NAALADL2: variants seen among roughly 807,000 people sequenced by gnomAD.
The protein encoded by NAALADL2 is inactive N-acetylated-alpha-linked acidic dipeptidase-like protein 2.
NAALADL2 carries 76 observed loss-of-function variants against 87.2 expected under a neutral mutation model. That is an observed-to-expected ratio of 0.87 (90% CI 0.72 to 1.05). The LOEUF is 1.05. NAALADL2 is among the 50% of genes least tolerant of loss of function. The probability of loss-of-function intolerance (pLI) is 0.00; values close to 1 mark genes in which losing one functional copy is unlikely to be tolerated. For missense variants in NAALADL2, 1,089 were observed against 945.8 expected, an observed-to-expected ratio of 1.15 and a Z score of -1.99; for synonymous variants, 354 against 331.0, an observed-to-expected ratio of 1.07 and a Z score of -0.75.
At chr3:174,842,446 T>C (rs16864965) in intron 3 of NAALADL2, among the ~76,000 whole-genome samples, 2,904 of 152,282 alleles carry the variant, frequency 0.019, 103 homozygotes, top group African/African-American at 0.066. Flanking sequence ...ACTTTTTGTG[T>C]CTGAAAAGTA....
chr3:174,932,628 G>A (rs540559640), intron 1 of NAALADL2, among the ~76,000 whole-genome samples: 1 of 152,180 alleles, frequency 6.6e-6, no homozygotes, highest in Admixed American at 6.5e-5. Context: ...GCTGGACCCT[G>A]GAGTGTCTTA....
chr3:174,581,472 TA>T (rs957807457), intron 2 of NAALADL2, among the ~76,000 whole-genome samples: 3 of 151,676 alleles, frequency 2.0e-5, no homozygotes, highest in African/African-American at 7.3e-5. Context: ...TGCCATTTTC[TA>T]AAAAAAAGTG....
intron 2 of NAALADL2, among the ~76,000 whole-genome samples, chr3:175,131,864 C>CG (rs1553783841): frequency 3.9e-5 from 2 of 51,854 alleles, no homozygotes; most frequent in South Asian, 6.7e-4. Context: ...GCTGGCCGGG[C>CG]GGGGTCTGAC....
intron 1 of NAALADL2, among the ~76,000 whole-genome samples, chr3:175,068,312 A>C (rs1714931963): frequency 6.6e-6 from 1 of 152,132 alleles, no homozygotes; most frequent in Non-Finnish European, 1.5e-5. Context: ...ACAGGAATGG[A>C]TGATTTTTAA....
chr3:175,125,015 A>G (rs1383923040), intron 2 of NAALADL2, among the ~76,000 whole-genome samples: 1 of 151,956 alleles, frequency 6.6e-6, no homozygotes, highest in Non-Finnish European at 1.5e-5. Context: ...AGGGAGAAGT[A>G]GATCGTATAG....
At chr3:175,147,997 G>T (rs986584754) in intron 2 of NAALADL2, among the ~76,000 whole-genome samples, 7 of 151,388 alleles carry the variant, frequency 4.6e-5, no homozygotes, top group Non-Finnish European at 1.5e-5. Context: ...TTGAACCCAG[G>T]AGGCAGAAGT....
At chr3:175,334,460 A>G (rs1321145168) in intron 5 of NAALADL2, among the ~76,000 whole-genome samples, 2 of 152,046 alleles carry the variant, frequency 1.3e-5, no homozygotes, top group Non-Finnish European at 2.9e-5. Context: ...TTCCCCCTCA[A>G]TCGACCACCT....
At chr3:175,034,289 A>G (rs1201994071) in intron 1 of NAALADL2, among the ~76,000 whole-genome samples, 1 of 152,142 alleles carries the variant, frequency 6.6e-6, no homozygotes, top group Non-Finnish European at 1.5e-5. Context: ...TGTACAGCAC[A>G]TGTGCATTGT....
At chr3:175,133,866 T>G (rs941524932) in intron 2 of NAALADL2, among the ~76,000 whole-genome samples, 1 of 152,206 alleles carries the variant, frequency 6.6e-6, no homozygotes, top group Admixed American at 6.5e-5. Context: ...ACATTCAAAA[T>G]GAACATTTGA....
At chr3:175,333,473 G>A (rs917715202) in intron 5 of NAALADL2, among the ~76,000 whole-genome samples, 4 of 152,140 alleles carry the variant, frequency 2.6e-5, no homozygotes, top group Non-Finnish European at 4.4e-5. Context: ...ATGCACAATG[G>A]AATACTATTT....
chr3:174,491,681 C>T (rs964718861), intron 1 of NAALADL2, among the ~76,000 whole-genome samples: 4 of 152,098 alleles, frequency 2.6e-5, no homozygotes, highest in South Asian at 2.1e-4. Context: ...TTTTTTCCAA[C>T]ATTGATGTCG....
chr3:175,215,316 A>G (rs1005078333), intron 2 of NAALADL2, among the ~76,000 whole-genome samples: 2 of 152,124 alleles, frequency 1.3e-5, no homozygotes, highest in Non-Finnish European at 2.9e-5. Context: ...TCAGATCACT[A>G]TCGTGTCTTT....
intron 3 of NAALADL2, among the ~76,000 whole-genome samples, chr3:174,794,781 A>C (rs926678208): frequency 6.6e-6 from 1 of 152,142 alleles, no homozygotes; most frequent in Non-Finnish European, 1.5e-5. Context: ...TCTTAGCACT[A>C]TAAGTAAGAT....
upstream of NAALADL2, among the ~76,000 whole-genome samples, chr3:174,857,175 T>C (rs1725942716): frequency 6.6e-6 from 1 of 152,078 alleles, no homozygotes; most frequent in Non-Finnish European, 1.5e-5. Context: ...GGTGAAGAAG[T>C]TTTTTAGGCA....
intron 1 of NAALADL2, among the ~76,000 whole-genome samples, chr3:174,497,161 C>CT (rs1319773336): frequency 1.3e-5 from 2 of 151,926 alleles, no homozygotes; most frequent in Admixed American, 6.6e-5. Flanking sequence ...AGAATCATTT[C>CT]TTTTTTTTAT....
intron 2 of NAALADL2, among the ~76,000 whole-genome samples, chr3:175,211,760 G>A (rs1469859040): frequency 6.6e-6 from 1 of 151,944 alleles, no homozygotes; most frequent in Non-Finnish European, 1.5e-5. Context: ...AACACATTGT[G>A]ATGTGCAATT....
At chr3:174,816,402 GTA>G (rs200470020) in intron 3 of NAALADL2, among the ~76,000 whole-genome samples, 1 of 107,278 alleles carries the variant, frequency 9.3e-6, no homozygotes. Context: ...GTGTGTGTGT[GTA>G]TGTGTGTGCG....
At chr3:175,069,800 G>A (rs1299842340) in intron 1 of NAALADL2, among the ~76,000 whole-genome samples, 1 of 150,612 alleles carries the variant, frequency 6.6e-6, no homozygotes, top group Non-Finnish European at 1.5e-5. Flanking sequence ...AAGAAAATGT[G>A]GCACATATAC....
intron 1 of NAALADL2, among the ~76,000 whole-genome samples, chr3:174,970,381 T>C (rs182544311): frequency 6.6e-6 from 1 of 152,306 alleles, no homozygotes; most frequent in East Asian, 1.9e-4. Flanking sequence ...TTTCATTAAA[T>C]AAAAACAGAC....
Sources: allele counts gnomAD v4.1 joint callset (sites outside exome capture counted in the v4.1 genomes callset), GRCh38; gene constraint gnomAD v4.1.1; transcripts MANE v1.5; gene names NCBI Gene and HGNC (gene_info 2026-07-23, HGNC 2026-07-21).